Variants in SIDT1 observed in about 807,000 individuals in gnomAD.
The protein encoded by SIDT1 is SID1 transmembrane family member 1.
In SIDT1, 101 loss-of-function variants were observed where a neutral mutation model predicts 107.5. The ratio of observed to expected loss-of-function variants is 0.94; its 90% CI spans 0.80 to 1.11. The LOEUF (loss-of-function observed/expected upper bound fraction) is 1.11. SIDT1 is among the 50% of genes least tolerant of loss of function. SIDT1 has a pLI of 0.00. For synonymous variants in SIDT1, 395 were observed against 398.2 expected (o/e 0.99, Z 0.10); for missense variants, 1,076 against 1,058.2 (o/e 1.02, Z -0.23).
intron 19 of SIDT1, among the ~76,000 whole-genome samples, chr3:113,613,205 C>T (rs1263670558): frequency 6.6e-6 from 1 of 152,248 alleles, no homozygotes; most frequent in African/African-American, 2.4e-5. Flanking sequence ...CACCACTTGG[C>T]CATTCCCTGC....
chr3:113,566,160 A>T (rs1022588955), intron 1 of SIDT1, among the ~76,000 whole-genome samples: 7 of 152,210 alleles, frequency 4.6e-5, no homozygotes, highest in Admixed American at 1.3e-4. Flanking sequence ...GCATCATTTT[A>T]AAAAATTCTC....
intron 3 of SIDT1, among the ~76,000 whole-genome samples, chr3:113,573,589 G>T (rs1272385065): frequency 6.6e-6 from 1 of 152,168 alleles, no homozygotes; most frequent in African/African-American, 2.4e-5. Context: ...AATTCATATT[G>T]AAATCTCCAC....
chr3:113,592,598 T>A (rs13324882), intron 9 of SIDT1: 28,417 of 133,740 alleles, frequency 0.21, 3,047 homozygotes, highest in African/African-American at 0.33. Flanking sequence ...TCTTTTTCTT[T>A]TTCTTTTTTT....
At chr3:113,587,143 T>C (rs1022069491) in intron 9 of SIDT1, among the ~76,000 whole-genome samples, 2 of 152,204 alleles carry the variant, frequency 1.3e-5, no homozygotes, top group Admixed American at 6.5e-5. Context: ...GTCTTGGTTG[T>C]ATGCAAGTTA....
the SIDT1 span, among the ~76,000 whole-genome samples, chr3:113,635,004 C>G: frequency 2.0e-5 from 3 of 152,162 alleles, no homozygotes; most frequent in Non-Finnish European, 4.4e-5. Context: ...AGGTTCTAAG[C>G]TTGTAAACGT....
chr3:113,543,962 A>G (rs1939247332), intron 1 of SIDT1, among the ~76,000 whole-genome samples: 1 of 152,228 alleles, frequency 6.6e-6, no homozygotes, highest in Admixed American at 6.5e-5. Flanking sequence ...TTTTTCTTAT[A>G]TAGCCATTGA....
intron 3 of SIDT1, among the ~76,000 whole-genome samples, chr3:113,568,387 G>A (rs1389858065): frequency 1.3e-5 from 2 of 152,100 alleles, no homozygotes; most frequent in Admixed American, 6.6e-5. Context: ...GAGGTCAGGA[G>A]ATCGAGACCA....
chr3:113,571,446 CTACTT>C (rs1942438055), intron 3 of SIDT1, among the ~76,000 whole-genome samples: 1 of 149,288 alleles, frequency 6.7e-6, no homozygotes, highest in African/African-American at 2.4e-5. Context: ...TGAAACAACT[CTACTT>C]TAAAGCATTG....
chr3:113,608,043 G>A (rs774098221), intron 15 of SIDT1, 51 bp from the exon 16 acceptor site: 2 of 1,485,902 alleles, frequency 1.3e-6, no homozygotes, highest in African/African-American at 1.4e-5. Context: ...GTATTCTCTG[G>A]GTCCCTTTGA....
At chr3:113,618,150 C>A (rs1946231956) in intron 20 of SIDT1, among the ~76,000 whole-genome samples, 1 of 152,144 alleles carries the variant, frequency 6.6e-6, no homozygotes, top group Non-Finnish European at 1.5e-5. Context: ...TTTTCTTTTT[C>A]CAAAATGTAA....
At chr3:113,605,867 G>A (rs1022656751) in intron 14 of SIDT1, among the ~76,000 whole-genome samples, 3 of 151,998 alleles carry the variant, frequency 2.0e-5, no homozygotes, top group African/African-American at 7.3e-5. Flanking sequence ...TTAGCTGAGT[G>A]GTGGCACACA....
intron 10 of SIDT1, among the ~76,000 whole-genome samples, chr3:113,599,675 C>A (rs778829433): frequency 2.9e-4 from 44 of 152,104 alleles, no homozygotes; most frequent in Non-Finnish European, 6.3e-4. Context: ...TATGTGAAAT[C>A]TTTTAAAAAG....
At chr3:113,558,184 G>T (rs1339625960) in intron 1 of SIDT1, among the ~76,000 whole-genome samples, 3 of 152,120 alleles carry the variant, frequency 2.0e-5, no homozygotes, top group African/African-American at 7.2e-5. Flanking sequence ...TAAAATGAGG[G>T]TTGTCACTCA....
chr3:113,567,781 C>A, intron 3 of SIDT1, 71 bp downstream of exon 3: 1 of 1,458,886 alleles, frequency 6.9e-7, no homozygotes. Context: ...ATCTTCCATC[C>A]TTACAGACTG....
At chr3:113,540,850 TG>T (rs374209588) in intron 1 of SIDT1, among the ~76,000 whole-genome samples, 67 of 152,292 alleles carry the variant, frequency 4.4e-4, no homozygotes, top group African/African-American at 7.2e-4. Flanking sequence ...CCCCTATTTT[TG>T]TCTATTGTCT....
chr3:113,544,801 T>C (rs1479946180), intron 1 of SIDT1, among the ~76,000 whole-genome samples: 1 of 152,122 alleles, frequency 6.6e-6, no homozygotes, highest in Non-Finnish European at 1.5e-5. Context: ...AAATTTACTG[T>C]TTCCCTTTTA....
intron 9 of SIDT1, among the ~76,000 whole-genome samples, chr3:113,588,324 G>T (rs956071445): frequency 6.6e-6 from 1 of 152,166 alleles, no homozygotes; most frequent in African/African-American, 2.4e-5. Flanking sequence ...TAGAAGAATA[G>T]ACTGAGGAAA....
intron 10 of SIDT1, among the ~76,000 whole-genome samples, chr3:113,599,242 G>T (rs969120184): frequency 1.3e-5 from 2 of 152,212 alleles, no homozygotes; most frequent in Non-Finnish European, 2.9e-5. Flanking sequence ...CAACCCAGGG[G>T]TTCCATGAGA....
In SIDT1 at chr3:113,623,481, C is replaced by A. The variant is rs1468498802; in HGVS notation, c.2145C>A (p.Gly715=). Residue 715 remains glycine (G), a synonymous_variant, in exon 22 of 25, where the codon GGC becomes GGA. Transcript: ENST00000264852. ...RPRDFASYML[G]IFICNLLLYL... is the part of the protein sequence containing the mutation. ...GGGACTTTGCTTCCTACATGCTGGG[C>A]ATCTTCATCTGTAACCTTTTGCTGT... is the stretch of plus-strand genomic sequence containing the variant. 6.2e-7 allele frequency: 1 copy of A among 1,614,004 alleles called. No homozygotes were observed. Among genetic ancestry groups the A allele is most frequent in the East Asian group, 2.2e-5 (1 of 44,892 alleles).
Sources: allele counts gnomAD v4.1 joint callset (sites outside exome capture counted in the v4.1 genomes callset), GRCh38; gene constraint gnomAD v4.1.1; transcripts MANE v1.5; gene names NCBI Gene and HGNC (gene_info 2026-07-23, HGNC 2026-07-21).